The following MYCBP2 variants were observed in gnomAD, a reference collection of about 807,000 sequenced individuals.
The protein encoded by MYCBP2 is MYC binding protein 2.
MYCBP2 carries 120 observed loss-of-function variants against 525.3 expected under a neutral mutation model. That is an observed-to-expected ratio of 0.23 (90% CI 0.20 to 0.27). The LOEUF (loss-of-function observed/expected upper bound fraction) is 0.27, where lower values mean the gene tolerates loss of function less well. MYCBP2 is among the 10% of genes least tolerant of loss of function. The pLI, the probability that MYCBP2 is intolerant of heterozygous loss-of-function variation, is 1.00. For synonymous variants in MYCBP2, 1,894 were observed against 1,955.8 expected, an observed-to-expected ratio of 0.97 and a Z score of 0.83; for missense variants, 4,149 against 5,657.1, an observed-to-expected ratio of 0.73 and a Z score of 8.55.
At chr13:77,080,698 T>G (rs1207966836) in intron 65 of MYCBP2, 2 of 152,194 alleles carry the variant, frequency 1.3e-5, no homozygotes, top group East Asian at 3.9e-4. Flanking sequence ...TCCTAGCACT[T>G]TGGGAGGCTG....
At chr13:77,278,677 T>C in intron 4 of MYCBP2, 81 bp downstream of exon 4, 10 of 1,212,634 alleles carry the variant, frequency 8.2e-6, no homozygotes, top group Non-Finnish European at 1.1e-5. Flanking sequence ...AATATTCTCT[T>C]AACAATTTTG....
intron 55 of MYCBP2, 98 bp from the exon 56 acceptor site, chr13:77,099,111 T>A: frequency 6.9e-7 from 1 of 1,440,946 alleles, no homozygotes; most frequent in Non-Finnish European, 9.4e-7. Flanking sequence ...AGCTACAAAA[T>A]TTATATTGTT....
At chr13:77,122,423 C>T (rs1035276395) in intron 54 of MYCBP2, among the ~76,000 whole-genome samples, 2 of 151,690 alleles carry the variant, frequency 1.3e-5, no homozygotes, top group Non-Finnish European at 2.9e-5. Flanking sequence ...AGTCCTTGGC[C>T]GGTCGCGGTG....
chr13:77,267,723 AAAAC>A, intron 8 of MYCBP2, 114 bp downstream of exon 8: 1 of 776,710 alleles, frequency 1.3e-6, no homozygotes, highest in East Asian at 2.5e-5. Context: ...CAAGATTTTT[AAAAC>A]CCTTTTATAA....
At chr13:77,135,936 A>C (rs1470318945) in intron 52 of MYCBP2, among the ~76,000 whole-genome samples, 1 of 151,388 alleles carries the variant, frequency 6.6e-6, no homozygotes, top group Non-Finnish European at 1.5e-5. Flanking sequence ...TCCTGGGTTC[A>C]AGCAATTCTC....
chr13:77,065,630 A>C (rs775391553), intron 72 of MYCBP2, among the ~76,000 whole-genome samples: 21 of 152,228 alleles, frequency 1.4e-4, no homozygotes, highest in African/African-American at 1.9e-4. Context: ...TTTAAAAACC[A>C]TGAGGACTGA....
At chr13:77,284,450 C>T (rs2076528426) in intron 3 of MYCBP2, among the ~76,000 whole-genome samples, 2 of 152,138 alleles carry the variant, frequency 1.3e-5, no homozygotes, top group Non-Finnish European at 2.9e-5. Context: ...CCTTAAGAGA[C>T]TAATTTCGTC....
In MYCBP2 at chr13:77,097,914, T is replaced by C. The variant is rs773577541; in HGVS notation, c.9240A>G (p.Glu3080=). The change falls in exon 56 of 83, where the codon GAA becomes GAG. Residue 3080 remains glutamate (E), a synonymous_variant. Coordinates refer to ENST00000544440, the MANE Select transcript of MYCBP2 (RefSeq NM_015057.5). ...SSLNSQQPTE[E]KETKLKNRHS... ...GTCTATTTTTTAACTTGGTTTCTTT[T>C]TCCTCTGTAGGTTGTTGGCTATTTA... 9 of 1,612,796 alleles carry C rather than the reference T, an allele frequency of 5.6e-6. No individual in the cohort carries two copies. Among genetic ancestry groups the C allele is most frequent in the South Asian group, 1.1e-5 (1 of 90,910 alleles).
chr13:77,082,468 C>T (rs1389827525), intron 63 of MYCBP2, among the ~76,000 whole-genome samples: 1 of 152,254 alleles, frequency 6.6e-6, no homozygotes, highest in East Asian at 1.9e-4. Context: ...TTCCATCAAT[C>T]TATTTCTTGT....
intron 49 of MYCBP2, among the ~76,000 whole-genome samples, chr13:77,141,770 CAA>C (rs34124996): frequency 1.5e-3 from 121 of 81,660 alleles, no homozygotes; most frequent in African/African-American, 3.2e-3. Flanking sequence ...GACTCTGTCT[CAA>C]AAAAAAAAAA....
chr13:77,122,576 C>A (rs1168352529), intron 54 of MYCBP2, among the ~76,000 whole-genome samples: 1 of 151,054 alleles, frequency 6.6e-6, no homozygotes, highest in Non-Finnish European at 1.5e-5. Flanking sequence ...GTAGTCCCAG[C>A]TACTCAGAGA....
intron 59 of MYCBP2, 196 bp from the exon 60 acceptor site, chr13:77,090,459 C>A: frequency 2.6e-6 from 1 of 385,856 alleles, no homozygotes; most frequent in Non-Finnish European, 4.5e-6. Context: ...CAGCATTGTA[C>A]CTTAAAACTT....
Position 77,225,536 on chromosome 13 carries a change from C to T in MYCBP2, c.2756G>A (p.Gly919Asp). ...DKHKDGSGER[G>D]EKDASKITTY... is the part of the protein sequence containing the mutation. Reference sequence around the variant, plus strand: ...TGTGATTTTGCTTGCATCCTTTTCGCCTCTTTCTCCACTTCCATCTGCAAG... The same window carrying T: ...TGTGATTTTGCTTGCATCCTTTTCGTCTCTTTCTCCACTTCCATCTGCAAG... Residue 919 changes from glycine (G) to aspartate (D), a missense_variant, in exon 19 of 83, where the codon GGC becomes GAC. By Grantham distance (94) the Gly-to-Asp change is moderately conservative. Around this residue, in one of 21 missense-constraint regions of MYCBP2, gnomAD observed 620 missense variants for 795.5 expected, o/e 0.78. Transcript: ENST00000544440. 2 of 1,613,466 alleles carry T rather than the reference C, an allele frequency of 1.2e-6. No individual in the cohort carries two copies. The highest frequency in any genetic ancestry group is 2.2e-5 in the East Asian group (1 of 44,882).
Position 77,077,267 on chromosome 13 carries a change from C to G in MYCBP2, c.11605G>C (p.Val3869Leu), listed in dbSNP as rs778731624. ...CTTTCACCATCTTTCCAGCCCAGGA[C>G]TTTGACTTGTCGAACTCTCAGTGTA... Reference protein sequence around the residue: ...ENTLRVRQVKVLGWKDGESTK... With the variant: ...ENTLRVRQVKLLGWKDGESTK... Residue 3869 changes from valine to leucine, a missense_variant, in exon 67 of 83, where the codon GTC becomes CTC. Transcript: ENST00000544440. The G allele has an allele frequency of 6.2e-7, 1 of 1,614,020 alleles. No homozygotes were observed. Among genetic ancestry groups the G allele is most frequent in the South Asian group, 1.1e-5 (1 of 91,084 alleles).
intron 1 of MYCBP2, among the ~76,000 whole-genome samples, chr13:77,318,624 C>T (rs142185344): frequency 3.3e-5 from 5 of 152,158 alleles, no homozygotes; most frequent in African/African-American, 1.2e-4. Flanking sequence ...TGTGGTGGGA[C>T]ACGCCTGTAA....
At chr13:77,182,278 A>G (rs896800309) in intron 32 of MYCBP2, among the ~76,000 whole-genome samples, 2 of 152,352 alleles carry the variant, frequency 1.3e-5, no homozygotes, top group Admixed American at 1.3e-4. Context: ...GGTATTTTCA[A>G]TAAGGACTGA....
chr13:77,190,113 A>G, intron 29 of MYCBP2, 139 bp downstream of exon 29: 1 of 468,938 alleles, frequency 2.1e-6, no homozygotes, highest in East Asian at 3.1e-5. Flanking sequence ...TGTTAAATAT[A>G]TTTATAGTTC....
In MYCBP2 at chr13:77,140,100, T is replaced by C. The variant is rs1405372248; in HGVS notation, c.7465A>G (p.Ser2489Gly). 10 of 1,613,256 alleles carry C rather than the reference T, an allele frequency of 6.2e-6. No homozygotes were observed. The highest frequency in any genetic ancestry group is 7.6e-6 in the Non-Finnish European group (9 of 1,179,826). The change falls in exon 51 of 83, where the codon AGT becomes GGT. Residue 2489 changes from serine to glycine, a missense_variant. Physicochemically the swap from Ser to Gly is moderately conservative, Grantham distance 56 (BLOSUM62 0). This residue lies in a region of MYCBP2 where 692 missense variants were observed against 852.7 expected (regional missense o/e 0.81). Transcript: ENST00000544440. ...LRIRSHPSLQSEQIGIVKVNG... is the reference protein window; with the variant it reads ...LRIRSHPSLQGEQIGIVKVNG... ...ACTTTCACTATGCCTATCTGCTCAC[T>C]CTGAAGGGAAGGGTGGCTACGGATG...
chr13:77,199,598 C>A (rs1044447706), intron 26 of MYCBP2, among the ~76,000 whole-genome samples: 1 of 152,218 alleles, frequency 6.6e-6, no homozygotes, highest in Non-Finnish European at 1.5e-5. Flanking sequence ...AGGGCACAGA[C>A]AAACAAAAAG....
Sources: gnomAD v4.1 joint callset for allele counts (sites outside exome capture counted in the v4.1 genomes callset) on GRCh38, gnomAD v4.1.1 for gene constraint, gnomAD v4.1.1 regional missense constraint, MANE v1.5 for transcripts, NCBI Gene and HGNC (gene_info 2026-07-23, HGNC 2026-07-21) for gene names.